The following NEK6 variants were observed in gnomAD, a reference collection of about 807,000 sequenced individuals.
NEK6 encodes the protein NIMA related kinase 6.
NEK6 carries 27 observed loss-of-function variants against 43.5 expected under a neutral mutation model. The observed-to-expected ratio is 0.62, with a 90% confidence interval of 0.46 to 0.86. NEK6 has a LOEUF of 0.86. Among genes scored for constraint, NEK6 ranks in the 40% least tolerant of loss-of-function variants. NEK6 has a pLI of 0.00. For missense variants in NEK6, 318 were observed against 414.4 expected, an observed-to-expected ratio of 0.77 and a Z score of 2.02; for synonymous variants, 167 against 164.1, an observed-to-expected ratio of 1.02 and a Z score of -0.14.
At chr9:124,294,959 TG>T (rs1832610970) in intron 1 of NEK6, among the ~76,000 whole-genome samples, 1 of 151,984 alleles carries the variant, frequency 6.6e-6, no homozygotes, top group Non-Finnish European at 1.5e-5. Context: ...GAAGAATGGT[TG>T]GGACTGGATG....
In NEK6 at chr9:124,277,096, C is replaced by G. The variant is rs529165856; in HGVS notation, c.-30+19011C>G. 3.3e-5 allele frequency among the ~76,000 whole-genome samples: 5 copies of G among 152,312 alleles called. No homozygotes were observed. In the South Asian group the frequency reaches 1.0e-3, roughly 32 times the overall value. On this transcript the variant is annotated intron_variant, in intron 1 of 9. Transcript: ENST00000320246. Reference sequence around the variant, plus strand: ...TGGGGAGGCCCAGGTGCTGATGCCACTGTGGACATTCCTGAGCCTCTCAGC... The same window carrying G: ...TGGGGAGGCCCAGGTGCTGATGCCAGTGTGGACATTCCTGAGCCTCTCAGC...
At chr9:124,268,862 T>C (rs1831320012) in intron 1 of NEK6, among the ~76,000 whole-genome samples, 1 of 152,216 alleles carries the variant, frequency 6.6e-6, no homozygotes, top group South Asian at 2.1e-4. Flanking sequence ...ACATCAGTGC[T>C]ATAGATCATA....
intron 1 of NEK6, among the ~76,000 whole-genome samples, chr9:124,284,175 C>G (rs962632346): frequency 6.6e-6 from 1 of 152,184 alleles, no homozygotes; most frequent in African/African-American, 2.4e-5. Flanking sequence ...ATGTTGAAAC[C>G]CTGTCTCTAC....
chr9:124,293,037 GC>G, intron 1 of NEK6: 1 of 1,482,928 alleles, frequency 6.7e-7, no homozygotes, highest in Admixed American at 2.3e-5. Context: ...CATTTCCCAG[GC>G]AGGCAGGGGT....
At chr9:124,290,501 C>G (rs1472842053) in intron 1 of NEK6, among the ~76,000 whole-genome samples, 2 of 152,276 alleles carry the variant, frequency 1.3e-5, no homozygotes, top group African/African-American at 4.8e-5. Context: ...TCCAGGGCCT[C>G]AGCTGCTGTA....
In NEK6 at chr9:124,343,199, T is replaced by C. The variant is rs1323565158; in HGVS notation, c.717+3534T>C. Among the ~76,000 whole-genome samples the C allele has an allele frequency of 6.9e-6, 1 of 145,510 alleles. No individual in the cohort carries two copies. The highest frequency in any genetic ancestry group is 2.5e-5 in the African/African-American group (1 of 39,328). The stretch of plus-strand genomic sequence containing the variant: ...GTTGGAGTGAGTGGGGCTGTGCGGC[T>C]CGCAGCTGGGGGGGCTGGACCACAG... On this transcript the variant is annotated intron_variant, in intron 8 of 9. Transcript: ENST00000320246. This position sits in a 1 kb window ranked among gnomAD's most constrained non-coding sequence, Gnocchi z 5.1.
intron 4 of NEK6, among the ~76,000 whole-genome samples, chr9:124,318,304 T>G (rs1833916042): frequency 6.6e-6 from 1 of 152,090 alleles, no homozygotes; most frequent in African/African-American, 2.4e-5. Context: ...TGCAGTGGTG[T>G]GATCATGGCT....
At chr9:124,291,334 G>A (rs935066045) in intron 1 of NEK6, among the ~76,000 whole-genome samples, 2 of 152,116 alleles carry the variant, frequency 1.3e-5, no homozygotes, top group Non-Finnish European at 2.9e-5. Flanking sequence ...AGCTTTTAAA[G>A]GAACAGCAAG....
At chr9:124,338,093 G>A (rs921530673) in intron 7 of NEK6, among the ~76,000 whole-genome samples, 1 of 152,174 alleles carries the variant, frequency 6.6e-6, no homozygotes, top group Non-Finnish European at 1.5e-5. Flanking sequence ...GGTTTCTTCT[G>A]CCTCAGCCTC....
intron 7 of NEK6, among the ~76,000 whole-genome samples, chr9:124,337,246 G>A (rs1361874082): frequency 6.6e-6 from 1 of 152,168 alleles, no homozygotes. Flanking sequence ...CCCTACAGGT[G>A]CTGGGAGGTC....
intron 4 of NEK6, among the ~76,000 whole-genome samples, chr9:124,318,420 A>G (rs1473333827): frequency 2.0e-5 from 3 of 151,728 alleles, no homozygotes; most frequent in Non-Finnish European, 4.4e-5. Context: ...TTTTTTTTGT[A>G]GTGACAAGGT....
chr9:124,322,763 G>A (rs113167558), intron 5 of NEK6, among the ~76,000 whole-genome samples: 15 of 152,364 alleles, frequency 9.8e-5, no homozygotes, highest in African/African-American at 1.4e-4. Context: ...ACTTAGAAAC[G>A]GGGCCGGATG....
chr9:124,264,699 G>GGGAGCCTGA (rs1349987304), intron 1 of NEK6, among the ~76,000 whole-genome samples: 2 of 151,678 alleles, frequency 1.3e-5, no homozygotes, highest in Non-Finnish European at 2.9e-5. Context: ...CCAGCTACTC[G>GGGAGCCTGA]GGAGCCTGAG....
At chr9:124,337,228 A>G (rs1018515858) in intron 7 of NEK6, among the ~76,000 whole-genome samples, 3 of 152,116 alleles carry the variant, frequency 2.0e-5, no homozygotes, top group African/African-American at 7.2e-5. Flanking sequence ...CCTGCTGCCC[A>G]GAGATAACCC....
rs1834346613 is a variant in NEK6, at chr9:124,326,513, G to A, written c.514+75G>A. On this transcript the variant is annotated intron_variant, in intron 6 of 9. Coordinates refer to ENST00000320246, the MANE Select transcript of NEK6 (RefSeq NM_014397.6). This position sits in a 1 kb window ranked among gnomAD's most constrained non-coding sequence, Gnocchi z 4.5. Reference sequence around the variant, plus strand: ...GACACTTCCTCATGGCTCCTCCAGGGTCCTCAGGGGCAGCCCCTTGAGGAA... The same window carrying A: ...GACACTTCCTCATGGCTCCTCCAGGATCCTCAGGGGCAGCCCCTTGAGGAA... The A allele has an allele frequency of 1.8e-6, 2 of 1,104,236 alleles. No homozygotes were observed. The highest frequency in any genetic ancestry group is 2.7e-6 in the Non-Finnish European group (2 of 733,514). The allele number at this position is 1,104,236 out of a possible 1,614,324, so 68.4% of individuals were successfully genotyped here. A position where few individuals can be genotyped will look rare whatever the true frequency, so the allele number is the denominator to read the frequency against.
At position 124,290,853 on chromosome 9, in the gene NEK6, G is replaced by T. The variant is rs138039850; in HGVS notation, c.-29-11083G>T. ...GGCCCCGCCAGAAGCAGCAGCCATG[G>T]GTCCTTTTCCTGAGCAGCTTCGTGC... On this transcript the variant is annotated intron_variant, in intron 1 of 9. Transcript: ENST00000320246. Among the ~76,000 whole-genome samples the T allele has an allele frequency of 2.8e-4, 43 of 152,356 alleles. 1 individual carries two copies. Among genetic ancestry groups the T allele is most frequent in the Non-Finnish European group, 4.4e-4 (30 of 68,034 alleles).
At chr9:124,260,667 C>G (rs928379077) in intron 1 of NEK6, among the ~76,000 whole-genome samples, 1 of 152,212 alleles carries the variant, frequency 6.6e-6, no homozygotes, top group African/African-American at 2.4e-5. Context: ...TCCCAAAGTG[C>G]TGGAATTACA....
chr9:124,302,353 G>C (rs115787316), intron 2 of NEK6, among the ~76,000 whole-genome samples: 5 of 152,342 alleles, frequency 3.3e-5, no homozygotes, highest in African/African-American at 1.2e-4. Context: ...AGCATGGTTG[G>C]AAGGGTACAG....
chr9:124,297,659 G>A (rs2119103705), intron 1 of NEK6, among the ~76,000 whole-genome samples: 1 of 152,342 alleles, frequency 6.6e-6, no homozygotes, highest in East Asian at 1.9e-4. Flanking sequence ...GTTCAGTGTG[G>A]CCTGCAGCTC....
Sources: allele counts gnomAD v4.1 joint callset (sites outside exome capture counted in the v4.1 genomes callset), GRCh38; gene constraint gnomAD v4.1.1; non-coding constraint Gnocchi (gnomAD v3.1); transcripts MANE v1.5; gene names NCBI Gene and HGNC (gene_info 2026-07-23, HGNC 2026-07-21).